Variants in RRN3 observed in about 807,000 individuals in gnomAD.
RRN3 encodes the protein RNA polymerase I transcription factor RRN3.
Under a neutral mutation model 82.3 loss-of-function variants are expected in RRN3, and 38 were observed. The observed-to-expected ratio is 0.46, with a 90% confidence interval of 0.36 to 0.61. The LOEUF (loss-of-function observed/expected upper bound fraction) is 0.61. Ranked by LOEUF, RRN3 falls within the 20% of genes least tolerant of loss-of-function variation. The pLI, the probability that RRN3 is intolerant of heterozygous loss-of-function variation, is 0.00. For missense variants in RRN3, 726 were observed against 793.1 expected (o/e 0.92, Z 1.02); for synonymous variants, 284 against 284.3 (o/e 1.00, Z 0.01).
chr16:15,077,901 G>T (rs2045533780), intron 9 of RRN3, among the ~76,000 whole-genome samples: 1 of 152,132 alleles, frequency 6.6e-6, no homozygotes, highest in South Asian at 2.1e-4. Context: ...TATCAGCAGT[G>T]TGAAAATGGA....
At chr16:15,071,311 A>C (rs931701157) in intron 12 of RRN3, 60 bp from the exon 13 acceptor site, 3 of 1,494,574 alleles carry the variant, frequency 2.0e-6, no homozygotes, top group Admixed American at 4.4e-5. Flanking sequence ...TCTGGCTATC[A>C]AAATCCCAAG....
chr16:15,074,568 G>A, intron 11 of RRN3, 155 bp downstream of exon 11: 1 of 461,772 alleles, frequency 2.2e-6, no homozygotes, highest in South Asian at 6.1e-5. Context: ...TATGTGACTG[G>A]CAAGTAACTT....
At chr16:15,082,646 C>T (rs1325318728) in intron 8 of RRN3, among the ~76,000 whole-genome samples, 1 of 151,676 alleles carries the variant, frequency 6.6e-6, no homozygotes, top group Non-Finnish European at 1.5e-5. Flanking sequence ...GCACTCCAGC[C>T]TGGGTGACAG....
intron 14 of RRN3, among the ~76,000 whole-genome samples, chr16:15,069,293 G>A (rs1332661002): frequency 6.6e-6 from 1 of 152,148 alleles, no homozygotes; most frequent in East Asian, 1.9e-4. Flanking sequence ...GCAGAGGACA[G>A]CCCCCGACGA....
chr16:15,088,578 A>C (rs1296980936), intron 3 of RRN3, among the ~76,000 whole-genome samples: 23 of 152,184 alleles, frequency 1.5e-4, no homozygotes, highest in East Asian at 1.9e-4. Flanking sequence ...GAACACAAAG[A>C]AAATGTCCCT....
In RRN3 at chr16:15,086,467, A is replaced by G. The variant is rs767608043; in HGVS notation, c.253-13T>C. 5.0e-6 allele frequency: 8 copies of G among 1,610,378 alleles called. No homozygotes were observed. The South Asian group carries it at 7.7e-5, about 16-fold the overall frequency. ...TGATCTGGTCATCCTTAAGTTAAAC[A>G]AAGAGTACTTTCAAAATCACAAATC... is the stretch of plus-strand genomic sequence containing the variant. On this transcript the variant is annotated splice_polypyrimidine_tract_variant and intron_variant, in intron 3 of 17. Transcript: ENST00000198767.
At chr16:15,074,932 A>AT in intron 10 of RRN3, 71 bp from the exon 11 acceptor site, 1 of 1,401,902 alleles carries the variant, frequency 7.1e-7, no homozygotes, top group Non-Finnish European at 9.7e-7. Context: ...GAAAACTGTC[A>AT]TAAGTGATTA....
rs377745954 is a variant in RRN3 at position 15,080,103 on chromosome 16, G to A, written c.667-7C>T. The A allele has an allele frequency of 1.3e-4, 202 of 1,591,096 alleles. No homozygotes were observed. The African/African-American group carries it at 2.4e-3, about 19-fold the overall frequency. On this transcript the variant is annotated splice_polypyrimidine_tract_variant and splice_region_variant and intron_variant, in intron 8 of 17. Transcript: ENST00000198767. ...AGTTATGAACGTAACATTCCTAAAG[G>A]AGAAAATGTAAGATAAAACATTTCA... is the stretch of plus-strand genomic sequence containing the variant.
chr16:15,083,266 G>A (rs1032078831), intron 8 of RRN3, among the ~76,000 whole-genome samples: 8 of 152,174 alleles, frequency 5.3e-5, no homozygotes, highest in Non-Finnish European at 1.0e-4. Flanking sequence ...GGGCATGGTG[G>A]TAGGCGCCTG....
intron 15 of RRN3, among the ~76,000 whole-genome samples, chr16:15,067,283 T>G (rs1888530944): frequency 2.0e-5 from 3 of 150,084 alleles, no homozygotes; most frequent in Admixed American, 6.7e-5. Context: ...CAATTCGCTT[T>G]CTCCATAAAG....
At chr16:15,074,347 C>T (rs963722765) in intron 11 of RRN3, among the ~76,000 whole-genome samples, 1 of 152,186 alleles carries the variant, frequency 6.6e-6, no homozygotes, top group Non-Finnish European at 1.5e-5. Flanking sequence ...ACTGGCACAA[C>T]AATGGTGCCA....
In RRN3 at chr16:15,080,025, A is replaced by G. The variant is rs778910972; in HGVS notation, c.738T>C (p.Leu246=). 8.8e-6 allele frequency: 14 copies of G among 1,599,048 alleles called. No homozygotes were observed. Among genetic ancestry groups the G allele is most frequent in the Non-Finnish European group, 1.0e-5 (12 of 1,173,026 alleles). Residue 246 remains leucine, a synonymous_variant, in exon 9 of 18, where the codon CTT becomes CTC. Coordinates refer to ENST00000198767, the MANE Select transcript of RRN3 (RefSeq NM_018427.5). ...FPTLRHEILE[L]IIEKLLKLDV... ...CCAACTTGAGTAGTTTTTCAATAAT[A>G]AGCTCCAGAATTTCATGCCTCAAGG...
In RRN3 at chr16:15,061,035, C is replaced by A. The variant is rs1306928356; in HGVS notation, c.*709G>T. On this transcript the variant is annotated 3_prime_UTR_variant, in exon 18 of 18. Transcript: ENST00000198767. ...GACCTCCATTTTTGTCTTTTAAATC[C>A]ATTTTTTCGCTGTGCCAAGTATATT... is the stretch of plus-strand genomic sequence containing the variant. 2 of 152,160 alleles carry A rather than the reference C, an allele frequency of 1.3e-5. No individual in the cohort carries two copies. The highest frequency in any genetic ancestry group is 4.8e-5 in the African/African-American group (2 of 41,424). 9.4% of individuals were successfully genotyped at this position (152,160 alleles called of 1,614,324 possible). A position where few individuals can be genotyped will look rare whatever the true frequency, so the allele number is the denominator to read the frequency against.
rs1223947161 is a variant in RRN3, at chr16:15,074,822, G to C, written c.898C>G (p.Pro300Ala). The C allele has an allele frequency of 6.2e-7, 1 of 1,613,698 alleles. No individual in the cohort carries two copies. Among genetic ancestry groups the C allele is most frequent in the East Asian group, 2.2e-5 (1 of 44,880 alleles). Residue 300 changes from proline (P) to alanine (A), a missense_variant, in exon 11 of 18, where the codon CCT (proline) becomes GCT (alanine). Around this residue, in one of 4 missense-constraint regions of RRN3, gnomAD observed 344 missense variants for 394.5 expected, o/e 0.87. Transcript: ENST00000198767. ...TGCACCATCTGGTCGAGCCGTTCAG[G>C]ACCAGCCTTTGTTTCATGTTCAGTT... ...EETEHETKAG[P>A]ERLDQMVHPV...
In RRN3 at chr16:15,060,148, T is replaced by TA. The variant is rs1412906228; in HGVS notation, c.*1595dup. 2.4e-6 allele frequency: 1 copy of TA among 411,688 alleles called. No homozygotes were observed. Among genetic ancestry groups the TA allele is most frequent in the Admixed American group, 2.9e-5 (1 of 34,830 alleles). 25.5% of individuals were successfully genotyped at this position (411,688 alleles called of 1,614,324 possible). On this transcript the variant is annotated 3_prime_UTR_variant, in exon 18 of 18. Coordinates refer to ENST00000198767, the MANE Select transcript of RRN3 (RefSeq NM_018427.5). ...ACTCCTTTGAAATTAAACAGACTTATATGTAAATGTCTTTCTACATTAAAA... is the reference window on the plus strand; with the variant it reads ...ACTCCTTTGAAATTAAACAGACTTATAATGTAAATGTCTTTCTACATTAAAA...
chr16:15,069,780 G>T (rs892800606), intron 14 of RRN3, among the ~76,000 whole-genome samples: 6 of 152,190 alleles, frequency 3.9e-5, no homozygotes, highest in African/African-American at 1.4e-4. Flanking sequence ...ACAGCCCAGG[G>T]CTCAGCCTCA....
At chr16:15,092,478 A>G (rs1220557682) in intron 2 of RRN3, 31 bp downstream of exon 2, 1 of 1,475,624 alleles carries the variant, frequency 6.8e-7, no homozygotes, top group Non-Finnish European at 9.5e-7. Context: ...GACCTAACCA[A>G]AAGCAAACCT....
chr16:15,076,719 A>C, intron 9 of RRN3, 69 bp from the exon 10 acceptor site: 1 of 1,111,312 alleles, frequency 9.0e-7, no homozygotes, highest in South Asian at 1.3e-5. Flanking sequence ...TTTGGGATGG[A>C]AATTCATCTG....
chr16:15,071,052 A>C, intron 13 of RRN3, 69 bp downstream of exon 13: 1 of 1,377,978 alleles, frequency 7.3e-7, no homozygotes, highest in Non-Finnish European at 9.9e-7. Flanking sequence ...GATATTTCTG[A>C]CTTGAGACAA....
Sources: allele counts gnomAD v4.1 joint callset (sites outside exome capture counted in the v4.1 genomes callset), GRCh38; gene constraint gnomAD v4.1.1; regional missense constraint gnomAD v4.1.1; transcripts MANE v1.5; gene names NCBI Gene and HGNC (gene_info 2026-07-23, HGNC 2026-07-21).